The following DIP2C variants were observed in gnomAD, a reference collection of about 807,000 sequenced individuals.
The protein encoded by DIP2C is DIP2 acetate--CoA ligase C (putative).
A neutral mutation model predicts 192.4 loss-of-function variants in DIP2C; 33 were observed. The ratio of observed to expected loss-of-function variants is 0.17; its 90% CI spans 0.13 to 0.23. The LOEUF (loss-of-function observed/expected upper bound fraction) is 0.23. Among genes scored for constraint, DIP2C ranks in the 10% least tolerant of loss-of-function variants. The pLI is 1.00. For missense variants in DIP2C, 1,537 were observed against 2,110.1 expected, an observed-to-expected ratio of 0.73 and a Z score of 5.32; for synonymous variants, 979 against 864.1, an observed-to-expected ratio of 1.13 and a Z score of -2.33.
chr10:647,014 G>A (rs901285098), intron 1 of DIP2C, among the ~76,000 whole-genome samples: 1 of 152,220 alleles, frequency 6.6e-6, no homozygotes, highest in Non-Finnish European at 1.5e-5. Flanking sequence ...CGAGAACAGA[G>A]GGAAACTGAG....
Position 276,884 on chromosome 10 carries a change from A to C in DIP2C, c.*441T>G, listed in dbSNP as rs1017041769. ...AAATTAGTAACAGATCCATGTCATT[A>C]AGATTTCATGACACATTAAAACAGA... is the stretch of plus-strand genomic sequence containing the variant. On this transcript the variant is annotated 3_prime_UTR_variant, in exon 37 of 37. Transcript: ENST00000280886. 1 of 160,978 alleles carries C rather than the reference A, an allele frequency of 6.2e-6. No homozygotes were observed. The highest frequency in any genetic ancestry group is 1.4e-5 in the Non-Finnish European group (1 of 72,804). 10.0% of individuals were successfully genotyped at this position (160,978 alleles called of 1,614,324 possible).
intron 1 of DIP2C, among the ~76,000 whole-genome samples, chr10:539,682 G>A (rs944975682): frequency 6.6e-6 from 1 of 152,206 alleles, no homozygotes; most frequent in Non-Finnish European, 1.5e-5. Flanking sequence ...GACTTGACAT[G>A]TTCTTATCTT....
chr10:568,240 A>G (rs561791674), intron 1 of DIP2C, among the ~76,000 whole-genome samples: 2 of 152,184 alleles, frequency 1.3e-5, no homozygotes, highest in African/African-American at 4.8e-5. Context: ...TCTCACATCA[A>G]TCCCCGTGCA....
chr10:404,028 T>C (rs1388896538), intron 9 of DIP2C, among the ~76,000 whole-genome samples: 1 of 146,694 alleles, frequency 6.8e-6, no homozygotes, highest in Non-Finnish European at 1.5e-5. Flanking sequence ...GTGGTAGCAT[T>C]AGCATTACTC....
chr10:484,961 GAA>G, intron 2 of DIP2C: 3 of 1,592,126 alleles, frequency 1.9e-6, no homozygotes, highest in African/African-American at 2.7e-5. Flanking sequence ...GTAACAAGTT[GAA>G]AAAAAACTAA....
intron 17 of DIP2C, among the ~76,000 whole-genome samples, chr10:370,672 AAC>A (rs1237700235): frequency 6.6e-5 from 10 of 152,256 alleles, no homozygotes; most frequent in African/African-American, 1.9e-4. Context: ...CCTGAAAACT[AAC>A]AATTCCTCAA....
At position 610,327 on chromosome 10, in the gene DIP2C, T is replaced by G. The variant is rs558649352; in HGVS notation, c.85+79167A>C. 7.2e-5 allele frequency among the ~76,000 whole-genome samples: 11 copies of G among 152,258 alleles called. No individual in the cohort carries two copies. The South Asian group carries it at 2.3e-3, about 32-fold the overall frequency. On this transcript the variant is annotated intron_variant, in intron 1 of 36. Transcript: ENST00000280886. ...ACTCATAAGCAGCATGGGGAGAGGC[T>G]GGTAAGGGGCACAAACACACAGCCT... is the stretch of plus-strand genomic sequence containing the variant.
At chr10:370,057 G>A in intron 17 of DIP2C, 1 of 985,278 alleles carries the variant, frequency 1.0e-6, no homozygotes, top group Non-Finnish European at 1.2e-6. Context: ...CAAGAATGCA[G>A]ACAAAACCAC....
At chr10:360,682 T>C (rs1258483747) in intron 22 of DIP2C, among the ~76,000 whole-genome samples, 1 of 152,212 alleles carries the variant, frequency 6.6e-6, no homozygotes, top group Non-Finnish European at 1.5e-5. Context: ...AATTGTACCT[T>C]GTTTTGTAAC....
At chr10:303,810 G>A (rs1344445925) in intron 32 of DIP2C, among the ~76,000 whole-genome samples, 2 of 152,102 alleles carry the variant, frequency 1.3e-5, no homozygotes, top group South Asian at 2.1e-4. Context: ...GGCATGAGCC[G>A]CCGCGCCTGG....
At chr10:303,045 T>G (rs370820424) in intron 32 of DIP2C, among the ~76,000 whole-genome samples, 1 of 152,154 alleles carries the variant, frequency 6.6e-6, no homozygotes, top group Admixed American at 6.5e-5. Context: ...AAGACAACAC[T>G]GCACGCGACT....
At chr10:631,177 T>C (rs1435254761) in intron 1 of DIP2C, 1 of 152,248 alleles carries the variant, frequency 6.6e-6, no homozygotes, top group Admixed American at 6.5e-5. Flanking sequence ...TAAAAAGAAC[T>C]AAAATGAGTT....
At chr10:318,773 CTTAT>C (rs539547434) in intron 31 of DIP2C, among the ~76,000 whole-genome samples, 60 of 152,314 alleles carry the variant, frequency 3.9e-4, no homozygotes, top group Admixed American at 1.7e-3. Flanking sequence ...CCAACAGCAC[CTTAT>C]TTATTTCCTT....
intron 32 of DIP2C, among the ~76,000 whole-genome samples, chr10:293,402 G>T (rs1041591258): frequency 6.6e-6 from 1 of 152,204 alleles, no homozygotes; most frequent in African/African-American, 2.4e-5. Flanking sequence ...TTATGAATGT[G>T]CCGCTGAAAA....
At chr10:679,670 TACCCATG>T (rs1831058964) in intron 1 of DIP2C, among the ~76,000 whole-genome samples, 1 of 101,986 alleles carries the variant, frequency 9.8e-6, no homozygotes, top group Non-Finnish European at 2.0e-5. Context: ...GTCCTCCCCA[TACCCATG>T]CTCCCCACAC....
intron 4 of DIP2C, among the ~76,000 whole-genome samples, chr10:434,969 G>A (rs906766911): frequency 6.6e-6 from 1 of 151,892 alleles, no homozygotes; most frequent in Non-Finnish European, 1.5e-5. Flanking sequence ...TTTTGTCGTT[G>A]TTGTTTTTAC....
rs1954494621 is a variant in DIP2C at position 275,981 on chromosome 10, T to C, written c.*1344A>G. The stretch of plus-strand genomic sequence containing the variant: ...CGAGGGGACGATCACCGATGTGAGT[T>C]CCGGACACTTTGTCCACTCCACATT... On this transcript the variant is annotated 3_prime_UTR_variant, in exon 37 of 37. Coordinates refer to ENST00000280886, the MANE Select transcript of DIP2C (RefSeq NM_014974.3). 6.6e-6 allele frequency: 1 copy of C among 152,196 alleles called. No individual in the cohort carries two copies. The allele number at this position is 152,196 out of a possible 1,614,324, so 9.4% of individuals were successfully genotyped here.
chr10:414,943 T>C (rs954366985), intron 7 of DIP2C, among the ~76,000 whole-genome samples: 18 of 143,264 alleles, frequency 1.3e-4, no homozygotes, highest in African/African-American at 4.4e-4. Context: ...GGTTTTGCCA[T>C]ATTGCCCAGG....
intron 4 of DIP2C, among the ~76,000 whole-genome samples, chr10:424,355 G>GGTTTTTTTTTTT (rs1966427451): frequency 1.2e-5 from 1 of 83,108 alleles, no homozygotes; most frequent in African/African-American, 4.5e-5. Flanking sequence ...ATCACCTTGG[G>GGTTTTTTTTTTT]TTTTTTTTTT....
Sources: allele counts gnomAD v4.1 joint callset (sites outside exome capture counted in the v4.1 genomes callset), GRCh38; gene constraint gnomAD v4.1.1; transcripts MANE v1.5; gene names NCBI Gene and HGNC (gene_info 2026-07-23, HGNC 2026-07-21).